UBR1: variants seen among roughly 807,000 people sequenced by gnomAD.
The protein encoded by UBR1 is ubiquitin protein ligase E3 component n-recognin 1.
UBR1 carries 102 observed loss-of-function variants against 242.1 expected under a neutral mutation model. The ratio of observed to expected loss-of-function variants is 0.42; its 90% CI spans 0.36 to 0.50. The LOEUF is 0.50. UBR1 is among the 20% of genes least tolerant of loss of function. The pLI is 0.01. For synonymous variants in UBR1, 675 were observed against 684.8 expected, an observed-to-expected ratio of 0.99 and a Z score of 0.22; for missense variants, 1,772 against 2,101.8, an observed-to-expected ratio of 0.84 and a Z score of 3.07.
At chr15:43,097,895 A>G (rs576469063) in intron 1 of UBR1, among the ~76,000 whole-genome samples, 5 of 152,326 alleles carry the variant, frequency 3.3e-5, no homozygotes. Context: ...TCTGTTCACT[A>G]GAGTAGCACT....
At position 43,070,930 on chromosome 15, in the gene UBR1, A is replaced by G; in HGVS notation, c.529-5T>C. On this transcript the variant is annotated splice_region_variant and splice_polypyrimidine_tract_variant and intron_variant, in intron 4 of 46. Transcript: ENST00000290650. ...ATTCAACGGACAGCGTGAATTCTAT[A>G]AAAAAGCCGAGAAAAACATACTAGT... 6.2e-7 allele frequency: 1 copy of G among 1,612,642 alleles called. No homozygotes were observed. Among genetic ancestry groups the G allele is most frequent in the Non-Finnish European group, 8.5e-7 (1 of 1,179,938 alleles).
intron 22 of UBR1, among the ~76,000 whole-genome samples, chr15:43,027,367 T>C (rs901250413): frequency 6.6e-6 from 1 of 152,120 alleles, no homozygotes; most frequent in Admixed American, 6.5e-5. Flanking sequence ...ATTAAATTTG[T>C]ATTTCCATTT....
At chr15:43,057,745 A>G (rs1401098888) in intron 10 of UBR1, among the ~76,000 whole-genome samples, 7 of 152,192 alleles carry the variant, frequency 4.6e-5, no homozygotes, top group Non-Finnish European at 1.0e-4. Context: ...TAATTTTACT[A>G]ACAGGCAAAT....
At chr15:43,058,774 T>C (rs2033648005) in intron 9 of UBR1, among the ~76,000 whole-genome samples, 1 of 152,200 alleles carries the variant, frequency 6.6e-6, no homozygotes, top group African/African-American at 2.4e-5. Flanking sequence ...GAAAATAGCA[T>C]CTTTTTCGCT....
chr15:42,953,798 A>G (rs978349059), intron 44 of UBR1, among the ~76,000 whole-genome samples: 5 of 152,108 alleles, frequency 3.3e-5, no homozygotes, highest in African/African-American at 1.2e-4. Flanking sequence ...ATAAGTGGTA[A>G]TATCATCCAG....
intron 35 of UBR1, among the ~76,000 whole-genome samples, chr15:42,987,736 AT>A (rs1417632096): frequency 7.4e-5 from 11 of 149,524 alleles, no homozygotes; most frequent in African/African-American, 2.7e-4. Flanking sequence ...AAAAAAAAAA[AT>A]ATGGCTTCAT....
At chr15:42,965,503 ACCC>A (rs2032091642) in intron 41 of UBR1, among the ~76,000 whole-genome samples, 1 of 146,366 alleles carries the variant, frequency 6.8e-6, no homozygotes, top group Admixed American at 6.9e-5. Context: ...TTGCTCTGTC[ACCC>A]AGGCTGGAGT....
rs1428221545 is a variant in UBR1 at position 43,002,688 on chromosome 15, G to C, written c.3526C>G (p.Gln1176Glu). 6.2e-7 allele frequency: 1 copy of C among 1,614,010 alleles called. No homozygotes were observed. The highest frequency in any genetic ancestry group is 1.3e-5 in the African/African-American group (1 of 74,918). The change falls in exon 32 of 47, where the codon CAG becomes GAG. Residue 1176 changes from glutamine to glutamate, a missense_variant. Physicochemically the swap from Gln to Glu is conservative, Grantham distance 29 (BLOSUM62 2). Transcript: ENST00000290650. ...TGAATGCGCTGCTGAGAGCTCAGCT[G>C]TACAGCTTCAAAATACCTGCAAAAT... ...VCWQKYFEAVQLSSQQRIHVD... is the reference protein window; with the variant it reads ...VCWQKYFEAVELSSQQRIHVD...
chr15:42,969,455 G>A (rs1183427671), intron 40 of UBR1, among the ~76,000 whole-genome samples: 1 of 152,026 alleles, frequency 6.6e-6, no homozygotes, highest in Non-Finnish European at 1.5e-5. Flanking sequence ...ATTTTTTCCT[G>A]TTCTGTAGGT....
At chr15:43,075,219 G>A in intron 3 of UBR1, 130 bp from the exon 4 acceptor site, 2 of 815,774 alleles carry the variant, frequency 2.5e-6, no homozygotes, top group Non-Finnish European at 2.1e-6. Context: ...AATATTAACT[G>A]GATGTAACAA....
chr15:42,991,268 G>A (rs1383248893), intron 33 of UBR1, among the ~76,000 whole-genome samples: 1 of 149,898 alleles, frequency 6.7e-6, no homozygotes, highest in East Asian at 1.9e-4. Flanking sequence ...AAAGCGACAC[G>A]CCATCTCAAA....
rs2141334392 is a variant in UBR1, at chr15:43,056,337, T to C, written c.1281+7A>G. The C allele has an allele frequency of 1.3e-6, 2 of 1,593,688 alleles. No homozygotes were observed. Among genetic ancestry groups the C allele is most frequent in the Non-Finnish European group, 1.7e-6 (2 of 1,161,474 alleles). On this transcript the variant is annotated splice_region_variant and intron_variant, in intron 11 of 46. Coordinates refer to ENST00000290650, the MANE Select transcript of UBR1 (RefSeq NM_174916.3). ...AGAAAGACTGAAAAGGAATAATCAA[T>C]ACATACCAGAGTAGGAACAGTAAAC...
chr15:43,085,473 T>C (rs1336422339), intron 2 of UBR1, among the ~76,000 whole-genome samples: 4 of 152,208 alleles, frequency 2.6e-5, no homozygotes, highest in African/African-American at 9.6e-5. Flanking sequence ...AAACAAGCTA[T>C]ACTAGCAAAA....
chr15:43,091,358 T>C (rs2034104022), intron 1 of UBR1, among the ~76,000 whole-genome samples: 1 of 152,358 alleles, frequency 6.6e-6, no homozygotes, highest in African/African-American at 2.4e-5. Flanking sequence ...TGTAACATTT[T>C]GGATTTTAGA....
At chr15:43,014,014 T>G (rs1363055793) in intron 29 of UBR1, among the ~76,000 whole-genome samples, 1 of 152,248 alleles carries the variant, frequency 6.6e-6, no homozygotes, top group African/African-American at 2.4e-5. Flanking sequence ...GCAGAGTGCC[T>G]GCGATTGCAG....
At chr15:42,957,483 T>G (rs2031942060) in intron 44 of UBR1, among the ~76,000 whole-genome samples, 1 of 152,148 alleles carries the variant, frequency 6.6e-6, no homozygotes, top group Non-Finnish European at 1.5e-5. Flanking sequence ...ACTGTACACT[T>G]TATCATGGTT....
intron 4 of UBR1, among the ~76,000 whole-genome samples, chr15:43,071,875 C>T (rs2033828400): frequency 6.6e-6 from 1 of 151,964 alleles, no homozygotes; most frequent in Non-Finnish European, 1.5e-5. Flanking sequence ...CCTAGGTGGC[C>T]ATAACAAAAA....
In UBR1 at chr15:43,080,617, C is replaced by A. The variant is rs145021480; in HGVS notation, c.417+2021G>T. Among the ~76,000 whole-genome samples, 1,456 of 152,262 alleles carry A rather than the reference C, an allele frequency of 9.6e-3. 17 individuals carry two copies. The highest frequency in any genetic ancestry group is 0.033 in the African/African-American group (1,386 of 41,540). On this transcript the variant is annotated intron_variant, in intron 3 of 46. Transcript: ENST00000290650. ...TTTCCATTCACCTACTGAAGGACATCTTGGTTGCTTCCAAGTTTTGGGAAA... is the reference window on the plus strand; with the variant it reads ...TTTCCATTCACCTACTGAAGGACATATTGGTTGCTTCCAAGTTTTGGGAAA...
At chr15:42,985,989 C>CA (rs1230190123) in intron 35 of UBR1, among the ~76,000 whole-genome samples, 3,807 of 45,622 alleles carry the variant, frequency 0.083, 285 homozygotes, top group East Asian at 0.35. Flanking sequence ...GACCCTGTCT[C>CA]AAAAAAAAAA....
Sources: allele counts gnomAD v4.1 joint callset (sites outside exome capture counted in the v4.1 genomes callset), GRCh38; gene constraint gnomAD v4.1.1; transcripts MANE v1.5; gene names NCBI Gene and HGNC (gene_info 2026-07-23, HGNC 2026-07-21).